The following CYB5R4 variants were observed in gnomAD, a reference collection of about 807,000 sequenced individuals.
CYB5R4 encodes the protein N-terminal cytochrome b5 and cytochrome b5 oxidoreductase domain-containing protein.
CYB5R4 carries 55 observed loss-of-function variants against 70.2 expected under a neutral mutation model. The observed-to-expected ratio is 0.78, with a 90% confidence interval of 0.63 to 0.98. The LOEUF (loss-of-function observed/expected upper bound fraction) is 0.98. Ranked by LOEUF, CYB5R4 falls within the 50% of genes least tolerant of loss-of-function variation. The pLI is 0.00. For missense variants in CYB5R4, 562 were observed against 612.6 expected (o/e 0.92, Z 0.87); for synonymous variants, 197 against 199.5 (o/e 0.99, Z 0.11).
At chr6:83,925,590 A>T (rs1294531639) in intron 10 of CYB5R4, among the ~76,000 whole-genome samples, 1 of 152,150 alleles carries the variant, frequency 6.6e-6, no homozygotes, top group African/African-American at 2.4e-5. Flanking sequence ...GGAAATTGGT[A>T]GTATTTGCTC....
At chr6:83,870,473 T>G (rs561072760) in intron 2 of CYB5R4, among the ~76,000 whole-genome samples, 16 of 151,694 alleles carry the variant, frequency 1.1e-4, no homozygotes, top group Non-Finnish European at 2.1e-4. Flanking sequence ...TTTCCTTAGC[T>G]CCTTGGTTCA....
intron 10 of CYB5R4, among the ~76,000 whole-genome samples, chr6:83,928,774 G>T (rs1387526579): frequency 6.6e-6 from 1 of 152,148 alleles, no homozygotes; most frequent in Non-Finnish European, 1.5e-5. Flanking sequence ...CTCTTTCCCT[G>T]AAATTATCTG....
chr6:83,933,347 G>T (rs1017504371), intron 10 of CYB5R4, among the ~76,000 whole-genome samples: 3 of 152,208 alleles, frequency 2.0e-5, no homozygotes, highest in African/African-American at 7.2e-5. Flanking sequence ...TTGAGTGACT[G>T]ATCTGTTGGG....
intron 2 of CYB5R4, among the ~76,000 whole-genome samples, chr6:83,868,008 C>G (rs6911469): frequency 6.6e-6 from 1 of 152,136 alleles, no homozygotes; most frequent in Non-Finnish European, 1.5e-5. Context: ...CATGACTAAA[C>G]AAAATTACCT....
intron 2 of CYB5R4, among the ~76,000 whole-genome samples, chr6:83,888,497 C>T (rs1012583788): frequency 6.6e-6 from 1 of 152,084 alleles, no homozygotes; most frequent in Non-Finnish European, 1.5e-5. Context: ...TTATGATGAT[C>T]TGTGATCTTG....
intron 10 of CYB5R4, among the ~76,000 whole-genome samples, chr6:83,925,939 C>G (rs2099467205): frequency 6.6e-6 from 1 of 152,094 alleles, no homozygotes; most frequent in Non-Finnish European, 1.5e-5. Flanking sequence ...TTCTATAAAT[C>G]CTTTGATTTC....
At chr6:83,932,946 T>C (rs9444112) in intron 10 of CYB5R4, among the ~76,000 whole-genome samples, 6,416 of 152,278 alleles carry the variant, frequency 0.042, 461 homozygotes, top group African/African-American at 0.15. Context: ...TCTAGGACCT[T>C]GTAAAGGTAT....
intron 5 of CYB5R4, 95 bp from the exon 6 acceptor site, chr6:83,917,910 A>G (rs1009534650): frequency 5.4e-6 from 5 of 924,008 alleles, no homozygotes; most frequent in Non-Finnish European, 8.6e-6. Flanking sequence ...GTATCCTTTT[A>G]TGAATATATG....
intron 10 of CYB5R4, among the ~76,000 whole-genome samples, chr6:83,929,894 T>G (rs75515961): frequency 1.3e-5 from 2 of 152,124 alleles, no homozygotes; most frequent in East Asian, 3.8e-4. Flanking sequence ...TTTTGATATG[T>G]TAACAGCCAC....
chr6:83,944,923 A>G (rs1035747923), intron 14 of CYB5R4, among the ~76,000 whole-genome samples: 2 of 152,228 alleles, frequency 1.3e-5, no homozygotes, highest in Non-Finnish European at 2.9e-5. Flanking sequence ...ACCCAGATTC[A>G]TAAAGCAAGT....
At chr6:83,864,042 G>A (rs947793557) in intron 1 of CYB5R4, 133 bp from the exon 2 acceptor site, 18 of 787,460 alleles carry the variant, frequency 2.3e-5, no homozygotes, top group Middle Eastern at 3.9e-4. Context: ...TTCAAATACA[G>A]CATAAACAAT....
At position 83,948,907 on chromosome 6, in the gene CYB5R4, G is replaced by C. The variant is rs73477151; in HGVS notation, c.1347-6391G>C. 4.4e-3 allele frequency among the ~76,000 whole-genome samples: 666 copies of C among 151,982 alleles called. 6 individuals carry two copies. The highest frequency in any genetic ancestry group is 0.015 in the African/African-American group (636 of 41,452). On this transcript the variant is annotated intron_variant, in intron 14 of 15. Transcript: ENST00000369681. ...GAGTGGTACTCTCCAGCTTGCTGACGGAAGTGATAGTGTTCCAACCTCTGG... is the reference window on the plus strand; with the variant it reads ...GAGTGGTACTCTCCAGCTTGCTGACCGAAGTGATAGTGTTCCAACCTCTGG...
intron 8 of CYB5R4, 112 bp from the exon 9 acceptor site, chr6:83,922,326 T>A: frequency 1.5e-6 from 1 of 681,576 alleles, no homozygotes; most frequent in Middle Eastern, 3.2e-4. Context: ...GAACACGTTT[T>A]GTCTTGAGGG....
intron 14 of CYB5R4, among the ~76,000 whole-genome samples, chr6:83,941,968 A>G (rs2099469838): frequency 6.6e-6 from 1 of 152,196 alleles, no homozygotes; most frequent in African/African-American, 2.4e-5. Flanking sequence ...TTTATCTTCA[A>G]AAGAAAATAA....
Position 83,918,078 on chromosome 6 carries a change from A to C in CYB5R4, c.506+13A>C. The C allele has an allele frequency of 4.4e-6, 7 of 1,595,482 alleles. No individual in the cohort carries two copies. Among genetic ancestry groups the C allele is most frequent in the Non-Finnish European group, 6.0e-6 (7 of 1,165,742 alleles). ...CTAGTTATCCAAGGTATGCATTCTT[A>C]TTTAAAATTTTTAAAGTTAAATCAA... is the stretch of plus-strand genomic sequence containing the variant. On this transcript the variant is annotated intron_variant, in intron 6 of 15. Transcript: ENST00000369681.
At chr6:83,901,800 T>A (rs2099463014) in intron 3 of CYB5R4, among the ~76,000 whole-genome samples, 1 of 152,114 alleles carries the variant, frequency 6.6e-6, no homozygotes, top group South Asian at 2.1e-4. Flanking sequence ...ATATTGAGCA[T>A]TTTTTCATGT....
At chr6:83,873,673 T>A (rs2099458015) in intron 2 of CYB5R4, among the ~76,000 whole-genome samples, 1 of 152,226 alleles carries the variant, frequency 6.6e-6, no homozygotes, top group Admixed American at 6.5e-5. Context: ...AATGAATATT[T>A]CTCAAGGGTC....
At chr6:83,919,702 T>A (rs2099466055) in intron 7 of CYB5R4, among the ~76,000 whole-genome samples, 1 of 152,026 alleles carries the variant, frequency 6.6e-6, no homozygotes, top group Non-Finnish European at 1.5e-5. Context: ...CATCTGCTCT[T>A]AACAGCCATT....
intron 2 of CYB5R4, among the ~76,000 whole-genome samples, chr6:83,868,459 A>T (rs1417302270): frequency 6.6e-6 from 1 of 152,224 alleles, no homozygotes; most frequent in African/African-American, 2.4e-5. Context: ...ACAGTGGGAT[A>T]TAAAAAATGA....
Sources: allele counts gnomAD v4.1 joint callset (sites outside exome capture counted in the v4.1 genomes callset), GRCh38; gene constraint gnomAD v4.1.1; transcripts MANE v1.5; gene names NCBI Gene and HGNC (gene_info 2026-07-23, HGNC 2026-07-21).